ZMYM5: variants seen among roughly 807,000 people sequenced by gnomAD.
The protein encoded by ZMYM5 is zinc finger MYM-type protein 5.
In ZMYM5, 41 loss-of-function variants were observed where a neutral mutation model predicts 61.8. The ratio of observed to expected loss-of-function variants is 0.66; its 90% CI spans 0.52 to 0.86. The LOEUF is 0.86. ZMYM5 is among the 40% of genes least tolerant of loss of function. The pLI, the probability that ZMYM5 is intolerant of heterozygous loss-of-function variation, is 0.00. For synonymous variants in ZMYM5, 257 were observed against 276.4 expected, an observed-to-expected ratio of 0.93 and a Z score of 0.70; for missense variants, 706 against 786.7, an observed-to-expected ratio of 0.90 and a Z score of 1.23.
intron 7 of ZMYM5, among the ~76,000 whole-genome samples, chr13:19,829,807 A>G (rs1891114650): frequency 6.6e-6 from 1 of 152,064 alleles, no homozygotes; most frequent in Admixed American, 6.6e-5. Flanking sequence ...CAAATCTCAA[A>G]GTTACTTGTT....
chr13:19,842,055 T>C (rs892928397), intron 4 of ZMYM5: 5 of 152,420 alleles, frequency 3.3e-5, no homozygotes, highest in Non-Finnish European at 7.3e-5. Context: ...GACCTCGTGA[T>C]CTGCTCGCCT....
chr13:19,832,731 G>T (rs1952565898), intron 7 of ZMYM5, among the ~76,000 whole-genome samples: 1 of 151,986 alleles, frequency 6.6e-6, no homozygotes, highest in South Asian at 2.1e-4. Context: ...TCATGTAACT[G>T]TCTTTGAAAA....
chr13:19,852,077 A>C lies in ZMYM5; in HGVS notation c.104T>G (p.Phe35Cys). 4 of 1,613,922 alleles carry C rather than the reference A, an allele frequency of 2.5e-6. No homozygotes were observed. The highest frequency in any genetic ancestry group is 3.4e-6 in the Non-Finnish European group (4 of 1,180,010). The change falls in exon 3 of 8, where the codon TTT (phenylalanine) becomes TGT (cysteine). Residue 35 changes from phenylalanine (F) to cysteine (C), a missense_variant. Phe to Cys is a radical substitution (Grantham distance 205). Transcript: ENST00000337963. The stretch of plus-strand genomic sequence containing the variant: ...GACTAAAGGACAAGCTGGATGACCA[A>C]ATGAATCCCCTATGTCCATGAGACT... ...ATSLMDIGDS[F>C]GHPACPLVSR...
Position 19,826,046 on chromosome 13 carries a change from TAA to T in ZMYM5, c.1252-813_1252-812del, listed in dbSNP as rs56181038. Among the ~76,000 whole-genome samples, 386 of 118,838 alleles carry T rather than the reference TAA, an allele frequency of 3.2e-3. 1 individual carries two copies. The highest frequency in any genetic ancestry group is 5.7e-3 in the Admixed American group (63 of 11,094). 78.0% of individuals were successfully genotyped at this position (118,838 alleles called of 152,430 possible). On this transcript the variant is annotated intron_variant, in intron 7 of 7. Coordinates refer to ENST00000337963, the MANE Select transcript of ZMYM5 (RefSeq NM_001142684.2). ...GGGCAACAGAGCAAGACTCCATGCT[TAA>T]AAAAAAAAAAAAAAAAAGAGAGAAC...
intron 7 of ZMYM5, among the ~76,000 whole-genome samples, chr13:19,831,802 A>AAC (rs1555258430): frequency 4.0e-5 from 6 of 150,594 alleles, no homozygotes; most frequent in South Asian, 2.1e-4. Context: ...AAAAAAAAAA[A>AAC]AAAAAAAAAA....
intron 4 of ZMYM5, among the ~76,000 whole-genome samples, chr13:19,843,892 T>A (rs1325565817): frequency 6.7e-6 from 1 of 150,300 alleles, no homozygotes; most frequent in Admixed American, 6.6e-5. Flanking sequence ...CCCAGCACTT[T>A]GGGAGGCTGA....
chr13:19,830,768 C>T (rs934438124), intron 7 of ZMYM5, among the ~76,000 whole-genome samples: 32 of 152,040 alleles, frequency 2.1e-4, no homozygotes, highest in Non-Finnish European at 3.4e-4. Flanking sequence ...TCAAGCGATC[C>T]ACTCGCCTCA....
chr13:19,827,209 A>T (rs1317247856), intron 7 of ZMYM5, among the ~76,000 whole-genome samples: 1 of 152,190 alleles, frequency 6.6e-6, no homozygotes, highest in Non-Finnish European at 1.5e-5. Flanking sequence ...ATAAAAATTA[A>T]TGTGAAAGTC....
chr13:19,848,829 C>T (rs1439350871), intron 4 of ZMYM5, among the ~76,000 whole-genome samples: 1 of 151,816 alleles, frequency 6.6e-6, no homozygotes, highest in Non-Finnish European at 1.5e-5. Context: ...GCCACCATGC[C>T]CAGCCCCACC....
intron 2 of ZMYM5, among the ~76,000 whole-genome samples, chr13:19,857,994 C>A (rs958980031): frequency 1.3e-5 from 2 of 151,884 alleles, no homozygotes; most frequent in African/African-American, 2.4e-5. Flanking sequence ...GCCTGGGCAA[C>A]AGAGCAAGAC....
intron 7 of ZMYM5, among the ~76,000 whole-genome samples, chr13:19,830,892 T>C (rs886653754): frequency 1.3e-5 from 2 of 148,508 alleles, no homozygotes; most frequent in Non-Finnish European, 3.0e-5. Context: ...CAGGCTGGAG[T>C]GCAGTGGCAT....
chr13:19,828,816 G>A (rs1380307005), intron 7 of ZMYM5, among the ~76,000 whole-genome samples: 1 of 152,190 alleles, frequency 6.6e-6, no homozygotes, highest in Non-Finnish European at 1.5e-5. Flanking sequence ...TGGGTGGATG[G>A]TGGCTTCATT....
chr13:19,834,280 T>A lies in ZMYM5; in HGVS notation c.1251+1197A>T, dbSNP rs546303928. Among the ~76,000 whole-genome samples the A allele has an allele frequency of 2.1e-5, 3 of 142,934 alleles. No individual in the cohort carries two copies. The Admixed American group carries it at 2.2e-4, about 11-fold the overall frequency. 93.8% of individuals were successfully genotyped at this position (142,934 alleles called of 152,430 possible). ...GGCGTGAGCCACCACGTCCAGCCTA[T>A]TTTTTCTTTTAAAAAAAAAACAGAA... On this transcript the variant is annotated intron_variant, in intron 7 of 7. Coordinates refer to ENST00000337963, the MANE Select transcript of ZMYM5 (RefSeq NM_001142684.2).
chr13:19,849,853 C>T (rs78016634), intron 4 of ZMYM5, among the ~76,000 whole-genome samples: 2,785 of 151,954 alleles, frequency 0.018, 81 homozygotes, highest in African/African-American at 0.061. Context: ...TGATGGCACA[C>T]GCCTGCAATC....
Position 19,851,823 on chromosome 13 carries a change from C to T in ZMYM5, c.358G>A (p.Asp120Asn). The change falls in exon 3 of 8, where the codon GAT (aspartate) becomes AAT (asparagine). Residue 120 changes from aspartate to asparagine, a missense_variant. Asp to Asn is a conservative substitution (Grantham distance 23). Transcript: ENST00000337963. Reference protein sequence around the residue: ...KGNISETIVIDDEEDIETNGG... With the variant: ...KGNISETIVINDEEDIETNGG... ...TTTGTTTCTATGTCCTCTTCATCATCAATAACAATTGTCTCACTTATATTT... is the reference window on the plus strand; with the variant it reads ...TTTGTTTCTATGTCCTCTTCATCATTAATAACAATTGTCTCACTTATATTT... The T allele has an allele frequency of 1.9e-6, 3 of 1,612,878 alleles. No individual in the cohort carries two copies. The highest frequency in any genetic ancestry group is 2.5e-6 in the Non-Finnish European group (3 of 1,179,806).
At chr13:19,843,194 T>C (rs1241244818) in intron 4 of ZMYM5, among the ~76,000 whole-genome samples, 2 of 150,538 alleles carry the variant, frequency 1.3e-5, no homozygotes, top group African/African-American at 2.4e-5. Flanking sequence ...CTTGGCTCAC[T>C]GCAACCTCCA....
intron 6 of ZMYM5, among the ~76,000 whole-genome samples, chr13:19,836,456 T>C (rs1019832829): frequency 3.3e-5 from 5 of 152,140 alleles, no homozygotes; most frequent in African/African-American, 9.7e-5. Context: ...ATCTTTTTTT[T>C]TCTTTTGATA....
chr13:19,853,316 T>C (rs1242274434), intron 2 of ZMYM5, among the ~76,000 whole-genome samples: 2 of 152,326 alleles, frequency 1.3e-5, no homozygotes, highest in East Asian at 1.9e-4. Flanking sequence ...TAAGGACATG[T>C]GCACAGGTGG....
chr13:19,829,958 A>G (rs1891120354), intron 7 of ZMYM5, among the ~76,000 whole-genome samples: 1 of 152,066 alleles, frequency 6.6e-6, no homozygotes, highest in Non-Finnish European at 1.5e-5. Context: ...ACTTATCTTT[A>G]GTTGCAGGAT....
Sources: allele counts gnomAD v4.1 joint callset (sites outside exome capture counted in the v4.1 genomes callset), GRCh38; gene constraint gnomAD v4.1.1; transcripts MANE v1.5; gene names NCBI Gene and HGNC (gene_info 2026-07-23, HGNC 2026-07-21).